SPMIP3: variants seen among roughly 807,000 people sequenced by gnomAD.
The protein encoded by SPMIP3 is protein SPMIP3.
the SPMIP3 span, among the ~76,000 whole-genome samples, chr1:244,360,106 T>TA: frequency 8.2e-5 from 12 of 145,938 alleles, no homozygotes; most frequent in South Asian, 2.2e-4. Flanking sequence ...AGACGCCATC[T>TA]AAAAAAAAAA....
chr1:244,379,326 T>C, the SPMIP3 span, among the ~76,000 whole-genome samples: 1 of 150,958 alleles, frequency 6.6e-6, no homozygotes, highest in Non-Finnish European at 1.5e-5. Flanking sequence ...CTTAGTCTCC[T>C]AAGTGGCTGA....
At chr1:244,381,893 T>C in the SPMIP3 span, among the ~76,000 whole-genome samples, 14 of 152,210 alleles carry the variant, frequency 9.2e-5, no homozygotes, top group African/African-American at 3.4e-4. Flanking sequence ...GTCATGCCAC[T>C]GCGCATGACA....
At chr1:244,384,191 T>C in the SPMIP3 span, among the ~76,000 whole-genome samples, 2 of 151,990 alleles carry the variant, frequency 1.3e-5, no homozygotes, top group African/African-American at 4.8e-5. Context: ...CAGGAGGAAA[T>C]TGCAGTGGTT....
the SPMIP3 span, among the ~76,000 whole-genome samples, chr1:244,377,118 A>AT: frequency 7.0e-6 from 1 of 143,244 alleles, no homozygotes; most frequent in Non-Finnish European, 1.5e-5. Context: ...GTACAGCATC[A>AT]CTTTATTTTT....
At chr1:244,371,687 C>T in the SPMIP3 span, among the ~76,000 whole-genome samples, 1 of 152,190 alleles carries the variant, frequency 6.6e-6, no homozygotes, top group Non-Finnish European at 1.5e-5. Context: ...AAAACCCAGC[C>T]CACCGCCCAC....
the SPMIP3 span, among the ~76,000 whole-genome samples, chr1:244,364,436 T>A: frequency 6.6e-6 from 1 of 152,092 alleles, no homozygotes; most frequent in Non-Finnish European, 1.5e-5. Context: ...TTTATACTTA[T>A]TTAATTTTTT....
chr1:244,388,979 G>A, the SPMIP3 span: 27 of 1,613,444 alleles, frequency 1.7e-5, no homozygotes, highest in Middle Eastern at 3.3e-4. Flanking sequence ...CCACAGTTTC[G>A]CTGAATCCTC....
chr1:244,377,664 C>T, the SPMIP3 span, among the ~76,000 whole-genome samples: 4 of 152,010 alleles, frequency 2.6e-5, no homozygotes, highest in African/African-American at 4.8e-5. Flanking sequence ...CTGCCACAAG[C>T]GATATTTTGC....
the SPMIP3 span, among the ~76,000 whole-genome samples, chr1:244,360,822 T>G: frequency 1.1e-4 from 16 of 150,182 alleles, no homozygotes; most frequent in African/African-American, 3.7e-4. Context: ...AGGCGGAGAT[T>G]GCAGTGAGCT....
At chr1:244,381,194 A>AGGGGGCTGAGGT in the SPMIP3 span, among the ~76,000 whole-genome samples, 1 of 151,480 alleles carries the variant, frequency 6.6e-6, no homozygotes, top group South Asian at 2.1e-4. Flanking sequence ...GGGGCTGAGG[A>AGGGGGCTGAGGT]GGGGGCTAAA....
At chr1:244,360,539 C>T in the SPMIP3 span, among the ~76,000 whole-genome samples, 2 of 64,810 alleles carry the variant, frequency 3.1e-5, no homozygotes, top group African/African-American at 9.3e-5. Context: ...CACACACACA[C>T]ACACACACAC....
chr1:244,374,760 C>CT, the SPMIP3 span, among the ~76,000 whole-genome samples: 56 of 150,550 alleles, frequency 3.7e-4, no homozygotes, highest in African/African-American at 1.0e-3. Flanking sequence ...CCACGTCCAG[C>CT]TTTTTTTTTG....
chr1:244,376,622 C>A, the SPMIP3 span, among the ~76,000 whole-genome samples: 5 of 152,050 alleles, frequency 3.3e-5, no homozygotes, highest in Admixed American at 3.3e-4. Context: ...ATGGGTATTT[C>A]GAAACCTTTT....
the SPMIP3 span, chr1:244,389,661 A>T: frequency 0.16 from 23,641 of 151,780 alleles, 2,243 homozygotes; most frequent in South Asian, 0.33. Flanking sequence ...AAAGGAAAAA[A>T]ACCTTACATT....
At chr1:244,367,454 G>A in the SPMIP3 span, among the ~76,000 whole-genome samples, 1 of 152,148 alleles carries the variant, frequency 6.6e-6, no homozygotes, top group Admixed American at 6.5e-5. Flanking sequence ...CAGCCTGGAG[G>A]GGGAATGCAC....
At chr1:244,376,392 C>T in the SPMIP3 span, 2 of 152,198 alleles carry the variant, frequency 1.3e-5, no homozygotes, top group Non-Finnish European at 2.9e-5. Context: ...GCTACTCACT[C>T]GTTTAGATTT....
At chr1:244,364,364 C>T in the SPMIP3 span, among the ~76,000 whole-genome samples, 8 of 152,180 alleles carry the variant, frequency 5.3e-5, no homozygotes, top group African/African-American at 1.9e-4. Context: ...CTCAGCCTCC[C>T]AAAGTGCTGG....
At chr1:244,368,020 G>A in the SPMIP3 span, among the ~76,000 whole-genome samples, 3 of 152,152 alleles carry the variant, frequency 2.0e-5, no homozygotes, top group Non-Finnish European at 4.4e-5. Flanking sequence ...GAGTGCAGTG[G>A]TATGATCTTG....
the SPMIP3 span, among the ~76,000 whole-genome samples, chr1:244,357,885 C>T: frequency 1.3e-5 from 2 of 151,788 alleles, no homozygotes; most frequent in Non-Finnish European, 2.9e-5. Context: ...CAAGACCAGC[C>T]TAGATAACAT....
Sources: gnomAD v4.1 joint callset for allele counts (sites outside exome capture counted in the v4.1 genomes callset) on GRCh38, gnomAD v4.1.1 for gene constraint, MANE v1.5 for transcripts, NCBI Gene and HGNC (gene_info 2026-07-23, HGNC 2026-07-21) for gene names.